Variants in UGT2B10 observed in about 807,000 individuals in gnomAD.
The protein encoded by UGT2B10 is UDP glucuronosyltransferase family 2 member B10.
Under a neutral mutation model 43.7 loss-of-function variants are expected in UGT2B10, and 51 were observed. The observed-to-expected ratio is 1.17, with a 90% CI of 0.93 to 1.47. The LOEUF is 1.47. Among genes scored for constraint, UGT2B10 ranks in the 40% most tolerant of loss-of-function variants. The pLI is 0.00. For synonymous variants in UGT2B10, 225 were observed against 209.0 expected (o/e 1.08, Z -0.66); for missense variants, 696 against 617.7 (o/e 1.13, Z -1.34).
rs754496320 is a variant in UGT2B10 at position 68,816,458 on chromosome 4, G to A, written c.439G>A (p.Val147Ile). Reference protein sequence around the residue: ...KKLQESRFDIVFADAYLPCGE... With the variant: ...KKLQESRFDIIFADAYLPCGE... Reference sequence around the variant, plus strand: ...ACTACAAGAGTCAAGATTTGACATCGTTTTTGCAGATGCTTATTTACCCTG... The same window carrying A: ...ACTACAAGAGTCAAGATTTGACATCATTTTTGCAGATGCTTATTTACCCTG... Residue 147 changes from valine (V) to isoleucine (I), a missense_variant, in exon 1 of 6, where the codon GTT becomes ATT. Val to Ile is a conservative substitution (Grantham distance 29). Transcript: ENST00000265403. 1.1e-5 allele frequency: 18 copies of A among 1,613,206 alleles called. No individual in the cohort carries two copies. Among genetic ancestry groups the A allele is most frequent in the South Asian group, 6.6e-5 (6 of 91,064 alleles).
At chr4:68,821,206 T>A (rs1275703758) in intron 2 of UGT2B10, among the ~76,000 whole-genome samples, 1 of 152,206 alleles carries the variant, frequency 6.6e-6, no homozygotes, top group Admixed American at 6.6e-5. Flanking sequence ...GGGAAAGTTT[T>A]ACCCCAATGA....
At chr4:68,820,878 C>A (rs1457880549) in intron 2 of UGT2B10, among the ~76,000 whole-genome samples, 1 of 151,982 alleles carries the variant, frequency 6.6e-6, no homozygotes, top group African/African-American at 2.4e-5. Context: ...AACATTATCA[C>A]AAAAGGAGAA....
chr4:68,820,745 A>G (rs971206459), intron 2 of UGT2B10, among the ~76,000 whole-genome samples: 2 of 152,122 alleles, frequency 1.3e-5, no homozygotes, highest in South Asian at 2.1e-4. Context: ...GGCAAAATCC[A>G]TAATAAAAAA....
rs1560414219 is a variant in UGT2B10 at position 68,818,013 on chromosome 4, T to A, written c.719-16T>A. On this transcript the variant is annotated splice_polypyrimidine_tract_variant and intron_variant, in intron 1 of 5. Coordinates refer to ENST00000265403, the MANE Select transcript of UGT2B10 (RefSeq NM_001075.6). ...ATCTTATGTCATCCACTTCTTCTTTTCTTTATTCCTATCAGGAAGACCCAC... is the reference window on the plus strand; with the variant it reads ...ATCTTATGTCATCCACTTCTTCTTTACTTTATTCCTATCAGGAAGACCCAC... 2 of 1,598,314 alleles carry A rather than the reference T, an allele frequency of 1.3e-6. No individual in the cohort carries two copies. The highest frequency in any genetic ancestry group is 1.7e-6 in the Non-Finnish European group (2 of 1,175,506).
chr4:68,827,247 A>G, intron 4 of UGT2B10, 82 bp from the exon 5 acceptor site: 1 of 1,601,764 alleles, frequency 6.2e-7, no homozygotes, highest in Non-Finnish European at 8.5e-7. Context: ...TTATCTAGAA[A>G]ACACTGTCAC....
intron 5 of UGT2B10, 120 bp from the exon 6 acceptor site, chr4:68,830,480 A>G: frequency 9.6e-6 from 12 of 1,251,350 alleles, no homozygotes; most frequent in Non-Finnish European, 1.3e-5. Context: ...CATAAATTCT[A>G]TATCAATTCT....
In UGT2B10 at chr4:68,816,315, T is replaced by C. The variant is rs1207956601; in HGVS notation, c.296T>C (p.Ile99Thr). ...CAATTGGTTAAGAGATTGTCAGAAA[T>C]TCAAAAAGATACATTTTGGTTACCT... ...IMQLVKRLSEIQKDTFWLPFS... is the reference protein window; with the variant it reads ...IMQLVKRLSETQKDTFWLPFS... The change falls in exon 1 of 6, where the codon ATT becomes ACT. Residue 99 changes from isoleucine (I) to threonine (T), a missense_variant. Coordinates refer to ENST00000265403, the MANE Select transcript of UGT2B10 (RefSeq NM_001075.6). 1 of 1,613,112 alleles carries C rather than the reference T, an allele frequency of 6.2e-7. No homozygotes were observed. Among genetic ancestry groups the C allele is most frequent in the Non-Finnish European group, 8.5e-7 (1 of 1,179,420 alleles).
At chr4:68,820,351 A>C (rs919428323) in intron 2 of UGT2B10, among the ~76,000 whole-genome samples, 14 of 152,046 alleles carry the variant, frequency 9.2e-5, no homozygotes, top group African/African-American at 3.4e-4. Flanking sequence ...TATATATTTT[A>C]AGAGAATAAG....
At chr4:68,818,235 G>T in intron 2 of UGT2B10, 58 bp downstream of exon 2, 1 of 1,598,336 alleles carries the variant, frequency 6.3e-7, no homozygotes, top group Non-Finnish European at 8.5e-7. Context: ...AGAAATGACT[G>T]TATAGTCTTC....
At chr4:68,818,830 C>A (rs835311) in intron 2 of UGT2B10, among the ~76,000 whole-genome samples, 1 of 151,760 alleles carries the variant, frequency 6.6e-6, no homozygotes, top group Non-Finnish European at 1.5e-5. Context: ...ATCAGATGAC[C>A]CTAAAAGGTA....
intron 3 of UGT2B10, among the ~76,000 whole-genome samples, chr4:68,824,608 C>T (rs1239481944): frequency 1.3e-5 from 2 of 152,044 alleles, no homozygotes; most frequent in Non-Finnish European, 2.9e-5. Context: ...TTGTAATGGC[C>T]TCTAAATTTT....
intron 4 of UGT2B10, 50 bp downstream of exon 4, chr4:68,826,547 G>A: frequency 6.5e-7 from 1 of 1,548,942 alleles, no homozygotes; most frequent in Admixed American, 2.0e-5. Context: ...GCACATTAGA[G>A]TGTTAATAGT....
At chr4:68,823,822 G>T (rs1474355801) in intron 3 of UGT2B10, among the ~76,000 whole-genome samples, 3 of 152,058 alleles carry the variant, frequency 2.0e-5, no homozygotes, top group African/African-American at 7.2e-5. Context: ...ATAATAGGCT[G>T]TTTTTCATTG....
chr4:68,824,741 C>T lies in UGT2B10; in HGVS notation c.1000-1669C>T, dbSNP rs142570768. Among the ~76,000 whole-genome samples, 1,052 of 152,212 alleles carry T rather than the reference C, an allele frequency of 6.9e-3. 56 individuals carry two copies. In the East Asian group the frequency reaches 0.14, roughly 20 times the overall value. On this transcript the variant is annotated intron_variant, in intron 3 of 5. Transcript: ENST00000265403. ...TAGTAACAACATAAAAATGTCTTGG[C>T]TATAGAAGAACATATTAATCACTGT...
intron 3 of UGT2B10, among the ~76,000 whole-genome samples, chr4:68,824,318 A>G (rs1737660403): frequency 6.6e-6 from 1 of 152,186 alleles, no homozygotes; most frequent in African/African-American, 2.4e-5. Flanking sequence ...TGAAAAGGAA[A>G]AGGTGCAGAT....
intron 2 of UGT2B10, among the ~76,000 whole-genome samples, chr4:68,821,818 G>A (rs1737514069): frequency 6.6e-6 from 1 of 152,000 alleles, no homozygotes; most frequent in African/African-American, 2.4e-5. Flanking sequence ...AACCACTAAT[G>A]GCTTCAAACT....
rs61749973 is a variant in UGT2B10, at chr4:68,816,161, A to C, written c.142A>C (p.Arg48=). The change falls in exon 1 of 6, where the codon AGA becomes CGA. Residue 48 remains arginine, a synonymous_variant. Coordinates refer to ENST00000265403, the MANE Select transcript of UGT2B10 (RefSeq NM_001075.6). ...GACAATCCTGAAAGAACTTGTTCAG[A>C]GAGGTCATGAGGTGACTGTACTGGC... ...MKTILKELVQ[R]GHEVTVLASS... 2,015 of 1,613,360 alleles carry C rather than the reference A, an allele frequency of 1.2e-3. 21 individuals are homozygous for C. In the African/African-American group the frequency reaches 0.024, roughly 19 times the overall value.
At chr4:68,830,496 A>G (rs1578276429) in intron 5 of UGT2B10, 104 bp from the exon 6 acceptor site, 1 of 1,322,578 alleles carries the variant, frequency 7.6e-7, no homozygotes. Flanking sequence ...ATTCTTTGAC[A>G]TTTACTTTGA....
At position 68,831,292 on chromosome 4, in the gene UGT2B10, T is replaced by G; in HGVS notation, c.*413T>G. ...ATTTTTTGTAGTGATGAGATCTCAT[T>G]GTGTTCTCCATGCTGATTTCAAACT... On this transcript the variant is annotated 3_prime_UTR_variant, in exon 6 of 6. Coordinates refer to ENST00000265403, the MANE Select transcript of UGT2B10 (RefSeq NM_001075.6). The G allele has an allele frequency of 6.0e-6, 1 of 168,004 alleles. No homozygotes were observed. Among genetic ancestry groups the G allele is most frequent in the Non-Finnish European group, 1.3e-5 (1 of 78,374 alleles). The allele number at this position is 168,004 out of a possible 1,614,324, so 10.4% of individuals were successfully genotyped here.
Sources: gnomAD v4.1 joint callset for allele counts (sites outside exome capture counted in the v4.1 genomes callset) on GRCh38, gnomAD v4.1.1 for gene constraint, MANE v1.5 for transcripts, NCBI Gene and HGNC (gene_info 2026-07-23, HGNC 2026-07-21) for gene names.